ABL1: variants seen among roughly 807,000 people sequenced by gnomAD.
The protein encoded by ABL1 is ABL proto-oncogene 1, non-receptor tyrosine kinase.
In ABL1, 11 loss-of-function variants were observed where a neutral mutation model predicts 94.7. The observed-to-expected ratio is 0.12, with a 90% CI of 0.07 to 0.19. ABL1 has a LOEUF of 0.19. ABL1 is among the 10% of genes least tolerant of loss of function. The probability of loss-of-function intolerance (pLI) is 1.00; values close to 1 mark genes in which losing one functional copy is unlikely to be tolerated. For missense variants in ABL1, 1,082 were observed against 1,489.4 expected (o/e 0.73, Z 4.50); for synonymous variants, 656 against 622.4 (o/e 1.05, Z -0.80).
intron 1 of ABL1, among the ~76,000 whole-genome samples, chr9:130,806,918 C>T (rs1036497020): frequency 1.2e-4 from 18 of 152,068 alleles, no homozygotes; most frequent in South Asian, 4.1e-4. Context: ...TGGGAGGCCG[C>T]GGCAGGCGAA....
In ABL1 at chr9:130,884,727, C is replaced by G; in HGVS notation, c.2437C>G (p.Leu813Val). 6.2e-7 allele frequency: 1 copy of G among 1,612,612 alleles called. No individual in the cohort carries two copies. Among genetic ancestry groups the G allele is most frequent in the Non-Finnish European group, 8.5e-7 (1 of 1,179,922 alleles). The change falls in exon 11 of 11, where the codon CTG becomes GTG. Residue 813 changes from leucine to valine, a missense_variant. Physicochemically the swap from Leu to Val is conservative, Grantham distance 32. Coordinates refer to ENST00000318560, the MANE Select transcript of ABL1 (RefSeq NM_005157.6). The surrounding 1 kb of genome is among the most constrained non-coding windows in gnomAD (Gnocchi z 5.6). ...CAGCCCGGGCTCCAGCCCGCCCAAC[C>G]TGACTCCAAAACCCCTCCGGCGGCA... ...ESSPGSSPPN[L>V]TPKPLRRQVT...
At chr9:130,810,013 G>A (rs1365732272) in intron 1 of ABL1, among the ~76,000 whole-genome samples, 2 of 152,182 alleles carry the variant, frequency 1.3e-5, no homozygotes, top group African/African-American at 2.4e-5. Context: ...GACCGAGTGT[G>A]GTAAAATGCA....
chr9:130,804,692 A>C (rs1447182184), intron 1 of ABL1, among the ~76,000 whole-genome samples: 1 of 152,228 alleles, frequency 6.6e-6, no homozygotes, highest in East Asian at 1.9e-4. Context: ...AATTTGTGCA[A>C]ACGAGATCCT....
Position 130,883,984 on chromosome 9 carries a change from A to G in ABL1, c.1694A>G (p.Glu565Gly), listed in dbSNP as rs751135223. 1 of 1,612,404 alleles carries G rather than the reference A, an allele frequency of 6.2e-7. No individual in the cohort carries two copies. The highest frequency in any genetic ancestry group is 8.5e-7 in the Non-Finnish European group (1 of 1,179,558). ...GQGESDPLDHEPAVSPLLPRK... is the reference protein window; with the variant it reads ...GQGESDPLDHGPAVSPLLPRK... ...TGCGTTTCAGATCCTCTGGACCATG[A>G]GCCTGCCGTGTCTCCATTGCTCCCT... Residue 565 changes from glutamate (E) to glycine (G), a missense_variant, in exon 11 of 11, where the codon GAG becomes GGG. Around this residue, in one of 7 missense-constraint regions of ABL1, gnomAD observed 780 missense variants for 835.8 expected, o/e 0.93. Coordinates refer to ENST00000318560, the MANE Select transcript of ABL1 (RefSeq NM_005157.6).
chr9:130,853,174 T>C (rs1254452297), intron 1 of ABL1, among the ~76,000 whole-genome samples: 1 of 128,030 alleles, frequency 7.8e-6, no homozygotes, highest in African/African-American at 2.9e-5. Context: ...ACTTTTCTTT[T>C]TTTTTTTTTT....
At chr9:130,759,681 C>G (rs1449234116) in intron 1 of ABL1, among the ~76,000 whole-genome samples, 1 of 152,196 alleles carries the variant, frequency 6.6e-6, no homozygotes, top group Non-Finnish European at 1.5e-5. Context: ...CAACCTCATA[C>G]TAGCCAGGCA....
chr9:130,749,682 CTCTT>C (rs1475347053), intron 1 of ABL1, among the ~76,000 whole-genome samples: 6 of 152,188 alleles, frequency 3.9e-5, no homozygotes, highest in Admixed American at 1.3e-4. Flanking sequence ...TGGTGATAGA[CTCTT>C]TCTTTGCTCT....
chr9:130,792,678 G>A (rs1472460042), intron 1 of ABL1, among the ~76,000 whole-genome samples: 1 of 152,114 alleles, frequency 6.6e-6, no homozygotes, highest in East Asian at 1.9e-4. Flanking sequence ...TTTTGTTTAC[G>A]TCACCACACT....
chr9:130,802,635 C>T (rs1287776526), intron 1 of ABL1, among the ~76,000 whole-genome samples: 1 of 152,154 alleles, frequency 6.6e-6, no homozygotes, highest in Non-Finnish European at 1.5e-5. Flanking sequence ...ATGCCTTATA[C>T]TGCTTCATTG....
chr9:130,724,839 T>C (rs1831560201), intron 1 of ABL1: 1 of 487,344 alleles, frequency 2.1e-6, no homozygotes, highest in Non-Finnish European at 4.1e-6. Context: ...GTTGTTCCTT[T>C]ATGGAAATCC....
At chr9:130,869,649 CAA>C (rs1281068336) in intron 4 of ABL1, among the ~76,000 whole-genome samples, 1 of 152,208 alleles carries the variant, frequency 6.6e-6, no homozygotes, top group Non-Finnish European at 1.5e-5. Context: ...AGCTTTCACT[CAA>C]AGTGTTTCCT....
intron 1 of ABL1, among the ~76,000 whole-genome samples, chr9:130,853,615 A>G (rs1830922788): frequency 6.6e-6 from 1 of 151,754 alleles, no homozygotes; most frequent in Non-Finnish European, 1.5e-5. Flanking sequence ...GGGTTTCACC[A>G]TGTTGGTCAA....
chr9:130,715,601 T>A (rs1322399537), intron 1 of ABL1, among the ~76,000 whole-genome samples: 1 of 152,236 alleles, frequency 6.6e-6, no homozygotes, highest in East Asian at 1.9e-4. Context: ...TGGTAATGTG[T>A]TGTTATGATG....
At chr9:130,735,420 C>T (rs1016225479) in intron 1 of ABL1, among the ~76,000 whole-genome samples, 1 of 151,890 alleles carries the variant, frequency 6.6e-6, no homozygotes, top group African/African-American at 2.4e-5. Flanking sequence ...CTTGCTTGCA[C>T]CTCTGCCACT....
chr9:130,843,197 G>A (rs547163984), intron 1 of ABL1, among the ~76,000 whole-genome samples: 51 of 152,312 alleles, frequency 3.3e-4, no homozygotes, highest in South Asian at 6.2e-4. Flanking sequence ...GTGTTGTTGC[G>A]TTGCACTGAG....
intron 1 of ABL1, among the ~76,000 whole-genome samples, chr9:130,744,105 A>C (rs568352561): frequency 6.6e-6 from 1 of 151,812 alleles, no homozygotes; most frequent in South Asian, 2.1e-4. Flanking sequence ...TTTGCTACCC[A>C]GCTTTTACAT....
chr9:130,844,535 G>T (rs1830731171), intron 1 of ABL1, among the ~76,000 whole-genome samples: 1 of 151,898 alleles, frequency 6.6e-6, no homozygotes, highest in Admixed American at 6.6e-5. Flanking sequence ...GACAGGGACT[G>T]TGTATCTTCA....
At chr9:130,775,781 A>G (rs892179762) in intron 1 of ABL1, among the ~76,000 whole-genome samples, 3 of 152,156 alleles carry the variant, frequency 2.0e-5, no homozygotes, top group South Asian at 2.1e-4. Context: ...TATAAGGCCA[A>G]TAGAACACCA....
intron 1 of ABL1, among the ~76,000 whole-genome samples, chr9:130,750,111 G>T (rs1327159803): frequency 6.7e-6 from 1 of 149,698 alleles, no homozygotes; most frequent in Non-Finnish European, 1.5e-5. Flanking sequence ...AGCCCAGGAG[G>T]TTGAGGCTGC....
Sources: gnomAD v4.1 joint callset for allele counts (sites outside exome capture counted in the v4.1 genomes callset) on GRCh38, gnomAD v4.1.1 for gene constraint, gnomAD v4.1.1 regional missense constraint, Gnocchi (gnomAD v3.1) non-coding constraint, MANE v1.5 for transcripts, NCBI Gene and HGNC (gene_info 2026-07-23, HGNC 2026-07-21) for gene names.